TMEM52B: variants seen among roughly 807,000 people sequenced by gnomAD.
The protein encoded by TMEM52B is transmembrane protein 52B.
In TMEM52B, 11 loss-of-function variants were observed where a neutral mutation model predicts 16.1. That is an observed-to-expected ratio of 0.68 (90% CI 0.43 to 1.13). The LOEUF is 1.13. TMEM52B is among the 50% of genes most tolerant of loss of function. The pLI, the probability that TMEM52B is intolerant of heterozygous loss-of-function variation, is 0.00. For synonymous variants in TMEM52B, 101 were observed against 93.8 expected (o/e 1.08, Z -0.45); for missense variants, 243 against 230.4 (o/e 1.05, Z -0.35).
chr12:10,172,458 G>T (rs183999346), intron 1 of TMEM52B: 91 of 162,142 alleles, frequency 5.6e-4, no homozygotes, highest in Non-Finnish European at 3.5e-4. Flanking sequence ...CAGAATTATG[G>T]GCCAAAATAT....
intron 4 of TMEM52B, among the ~76,000 whole-genome samples, chr12:10,189,284 G>T (rs1006184229): frequency 1.3e-5 from 2 of 151,758 alleles, no homozygotes; most frequent in African/African-American, 4.8e-5. Context: ...GGGGGAAAGG[G>T]ATCTAAGTCT....
intron 4 of TMEM52B, among the ~76,000 whole-genome samples, chr12:10,187,574 T>A (rs1359816456): frequency 3.3e-5 from 5 of 151,652 alleles, no homozygotes; most frequent in Non-Finnish European, 7.4e-5. Context: ...CAGGCTATAT[T>A]TTTTTAAATT....
intron 1 of TMEM52B, among the ~76,000 whole-genome samples, chr12:10,181,369 G>A (rs927901152): frequency 2.0e-5 from 3 of 150,432 alleles, no homozygotes; most frequent in Admixed American, 6.6e-5. Context: ...AGTCTTGCTC[G>A]CCTAGGCTGG....
intron 4 of TMEM52B, among the ~76,000 whole-genome samples, chr12:10,189,016 CAAAAAAAAAAAAAAAAAAAA>C (rs869240234): frequency 1.8e-5 from 1 of 56,488 alleles, no homozygotes; most frequent in Non-Finnish European, 2.9e-5. Context: ...GACTCCGTCT[CAAAAAAAAAAAAAAAAAAAA>C]AAAAAAAAAA....
intron 2 of TMEM52B, among the ~76,000 whole-genome samples, chr12:10,183,021 T>C (rs1350955515): frequency 1.3e-5 from 2 of 152,224 alleles, no homozygotes; most frequent in Non-Finnish European, 2.9e-5. Context: ...TTAACATTTA[T>C]TGGGCAGACT....
At chr12:10,188,550 A>G (rs75135589) in intron 4 of TMEM52B, among the ~76,000 whole-genome samples, 50 of 145,098 alleles carry the variant, frequency 3.4e-4, no homozygotes, top group African/African-American at 9.7e-4. Context: ...AAGAAGAAAA[A>G]GAAAAAGAAA....
At chr12:10,182,230 T>C in intron 1 of TMEM52B, 1 of 984,972 alleles carries the variant, frequency 1.0e-6, no homozygotes, top group Non-Finnish European at 1.2e-6. Flanking sequence ...AATGGCAATA[T>C]CCCAAGGGAC....
At chr12:10,181,205 A>T (rs56228968) in intron 1 of TMEM52B, among the ~76,000 whole-genome samples, 4 of 152,198 alleles carry the variant, frequency 2.6e-5, no homozygotes, top group African/African-American at 9.6e-5. Context: ...AGGGAGTAGA[A>T]GGGACTTCAT....
chr12:10,176,460 C>A (rs1948766402), upstream of TMEM52B, among the ~76,000 whole-genome samples: 1 of 152,124 alleles, frequency 6.6e-6, no homozygotes, highest in Non-Finnish European at 1.5e-5. Context: ...AGCGGGGAGT[C>A]ATGTTAACCA....
intron 4 of TMEM52B, among the ~76,000 whole-genome samples, chr12:10,188,077 TGAGC>T (rs1258272435): frequency 1.3e-5 from 2 of 149,272 alleles, no homozygotes; most frequent in African/African-American, 2.5e-5. Flanking sequence ...CCAGCCTGGG[TGAGC>T]GACAGAGAAA....
At chr12:10,186,147 T>A (rs1394727417) in intron 3 of TMEM52B, among the ~76,000 whole-genome samples, 1 of 152,042 alleles carries the variant, frequency 6.6e-6, no homozygotes, top group Non-Finnish European at 1.5e-5. Flanking sequence ...AGAGCAAGAC[T>A]CTGTCTCAGA....
chr12:10,183,367 A>G (rs1163235865), intron 2 of TMEM52B, among the ~76,000 whole-genome samples: 3 of 152,174 alleles, frequency 2.0e-5, no homozygotes, highest in African/African-American at 7.2e-5. Flanking sequence ...CACCATAGGA[A>G]GAGTCCTTTC....
At chr12:10,187,162 G>T (rs888649547) in intron 4 of TMEM52B, among the ~76,000 whole-genome samples, 4 of 136,156 alleles carry the variant, frequency 2.9e-5, no homozygotes, top group Non-Finnish European at 6.0e-5. Context: ...GAGTGCAGTG[G>T]TGCAATCTCA....
intron 2 of TMEM52B, 141 bp from the exon 3 acceptor site, chr12:10,185,189 A>G: frequency 1.5e-6 from 1 of 658,344 alleles, no homozygotes; most frequent in Admixed American, 2.6e-5. Flanking sequence ...AACTAGCTAC[A>G]GTGAATTTTA....
In TMEM52B at chr12:10,186,892, C is replaced by A. The variant is rs543312430; in HGVS notation, c.307+303C>A. Among the ~76,000 whole-genome samples the A allele has an allele frequency of 3.4e-3, 519 of 152,254 alleles. 3 individuals carry two copies. The highest frequency in any genetic ancestry group is 0.012 in the African/African-American group (503 of 41,564). On this transcript the variant is annotated intron_variant, in intron 4 of 4. Coordinates refer to ENST00000543484, the MANE Select transcript of TMEM52B (RefSeq NM_001384896.1). Reference sequence around the variant, plus strand: ...GCTAAAAACTATTTTGAACTCCAAACGGATGCCTTTTTCAAAACGTCTTGG... The same window carrying A: ...GCTAAAAACTATTTTGAACTCCAAAAGGATGCCTTTTTCAAAACGTCTTGG...
upstream of TMEM52B, among the ~76,000 whole-genome samples, chr12:10,174,456 G>A (rs376835342): frequency 6.6e-6 from 1 of 152,122 alleles, no homozygotes. Flanking sequence ...AGATTTCGCT[G>A]CATAATGTAG....
At chr12:10,186,808 T>G (rs1948885515) in intron 4 of TMEM52B, among the ~76,000 whole-genome samples, 1 of 152,176 alleles carries the variant, frequency 6.6e-6, no homozygotes, top group Non-Finnish European at 1.5e-5. Context: ...AAGTGAAATA[T>G]TGGAGGCTAT....
chr12:10,188,741 A>G (rs113660186), intron 4 of TMEM52B, among the ~76,000 whole-genome samples: 48,504 of 151,180 alleles, frequency 0.32, 7,899 homozygotes, highest in Non-Finnish European at 0.36. Context: ...TTTGTTGGCC[A>G]GGCACGGTGG....
rs973857392 is a variant in TMEM52B, at chr12:10,191,264, A to G, written c.*1124A>G. On this transcript the variant is annotated 3_prime_UTR_variant, in exon 5 of 5. Transcript: ENST00000543484. Reference sequence around the variant, plus strand: ...AGATGGAGTTTTGCTCTTGTAGCCCAGGCTGGGATGCAATGGCATGGTCTC... The same window carrying G: ...AGATGGAGTTTTGCTCTTGTAGCCCGGGCTGGGATGCAATGGCATGGTCTC... 30 of 150,230 alleles carry G rather than the reference A, an allele frequency of 2.0e-4. No individual in the cohort carries two copies. Among genetic ancestry groups the G allele is most frequent in the African/African-American group, 6.9e-4 (28 of 40,656 alleles). 9.3% of individuals were successfully genotyped at this position (150,230 alleles called of 1,614,324 possible). A position where few individuals can be genotyped will look rare whatever the true frequency, so the allele number is the denominator to read the frequency against.
Sources: allele counts gnomAD v4.1 joint callset (sites outside exome capture counted in the v4.1 genomes callset), GRCh38; gene constraint gnomAD v4.1.1; transcripts MANE v1.5; gene names NCBI Gene and HGNC (gene_info 2026-07-23, HGNC 2026-07-21).